The following AKR1C3 variants were observed in gnomAD, a reference collection of about 807,000 sequenced individuals.
AKR1C3 encodes aldo-keto reductase family 1 member C3, also known as 3-alpha hydroxysteroid dehydrogenase, type II.
AKR1C3 carries 48 observed loss-of-function variants against 43.6 expected under a neutral mutation model. That is an observed-to-expected ratio of 1.10 (90% CI 0.87 to 1.40). AKR1C3 has a LOEUF of 1.40. Among genes scored for constraint, AKR1C3 ranks in the 40% most tolerant of loss-of-function variants. The pLI, the probability that AKR1C3 is intolerant of heterozygous loss-of-function variation, is 0.00. For missense variants in AKR1C3, 482 were observed against 391.2 expected (o/e 1.23, Z -1.96); for synonymous variants, 162 against 139.6 (o/e 1.16, Z -1.13).
chr10:5,107,484 C>T lies in AKR1C3; in HGVS notation c.953C>T (p.Pro318Leu). ...AGTTTTGCTAGCCACCCTAATTATC[C>T]ATATTCAGATGAATATTAACATGGA... Reference protein sequence around the residue: ...SDSFASHPNYPYSDEY With the variant: ...SDSFASHPNYLYSDEY Residue 318 changes from proline (P) to leucine (L), a missense_variant, in exon 9 of 9, where the codon CCA becomes CTA. Physicochemically the swap from Pro to Leu is moderately conservative, Grantham distance 98. Transcript: ENST00000380554. 1 of 1,585,840 alleles carries T rather than the reference C, an allele frequency of 6.3e-7. No homozygotes were observed. The highest frequency in any genetic ancestry group is 8.7e-7 in the Non-Finnish European group (1 of 1,154,982).
At chr10:5,103,615 C>G (rs1190228111) in intron 7 of AKR1C3, among the ~76,000 whole-genome samples, 1 of 152,150 alleles carries the variant, frequency 6.6e-6, no homozygotes, top group Non-Finnish European at 1.5e-5. Context: ...GCCATTTTCT[C>G]CTCCATATAG....
At chr10:5,055,612 A>T (rs1250087085) in intron 1 of AKR1C3, among the ~76,000 whole-genome samples, 5 of 152,214 alleles carry the variant, frequency 3.3e-5, no homozygotes, top group African/African-American at 1.2e-4. Context: ...TAGGTACGCC[A>T]CTGGTTGTGG....
intron 1 of AKR1C3, among the ~76,000 whole-genome samples, chr10:5,064,855 A>C (rs1430562035): frequency 2.0e-5 from 3 of 151,624 alleles, no homozygotes; most frequent in African/African-American, 7.3e-5. Flanking sequence ...CAGAATGCCT[A>C]TTATTATACT....
rs540364495 is a variant in AKR1C3, at chr10:5,059,894, G to A, written c.84+10999G>A. On this transcript the variant is annotated intron_variant, in intron 1 of 8. Coordinates refer to the AKR1C3 transcript ENST00000439082. ...TCTCACTGACTTCAAGAATGAAGCCGCGGACCCTCGCAGTGAGTGTTACAG... is the reference window on the plus strand; with the variant it reads ...TCTCACTGACTTCAAGAATGAAGCCACGGACCCTCGCAGTGAGTGTTACAG... Among the ~76,000 whole-genome samples, 45 of 152,218 alleles carry A rather than the reference G, an allele frequency of 3.0e-4. No homozygotes were observed. In the South Asian group the frequency reaches 7.3e-3, roughly 25 times the overall value.
chr10:5,056,996 ATAGT>A (rs1222425854), intron 1 of AKR1C3, among the ~76,000 whole-genome samples: 1 of 152,140 alleles, frequency 6.6e-6, no homozygotes, highest in Non-Finnish European at 1.5e-5. Flanking sequence ...CTGGTCCTGA[ATAGT>A]TAAACATACC....
chr10:5,089,521 T>A (rs1404333264), upstream of AKR1C3, among the ~76,000 whole-genome samples: 6 of 152,144 alleles, frequency 3.9e-5, no homozygotes. Flanking sequence ...TTTCTTCTGC[T>A]GGTTTAGTCT....
chr10:5,093,257 G>T (rs1352655073), upstream of AKR1C3, among the ~76,000 whole-genome samples: 1 of 151,982 alleles, frequency 6.6e-6, no homozygotes. Flanking sequence ...ATCACTTCTT[G>T]ACGCGTCCAT....
intron 1 of AKR1C3, among the ~76,000 whole-genome samples, chr10:5,074,338 T>C (rs1554781606): frequency 6.6e-6 from 1 of 152,176 alleles, no homozygotes; most frequent in East Asian, 1.9e-4. Context: ...TGGGGGTCCA[T>C]ACTCTAAAAG....
intron 8 of AKR1C3, among the ~76,000 whole-genome samples, chr10:5,106,486 C>T (rs1286020544): frequency 6.6e-6 from 1 of 152,084 alleles, no homozygotes; most frequent in Non-Finnish European, 1.5e-5. Context: ...CGCAGTGGCT[C>T]ACGCCTATAA....
At chr10:5,067,433 A>C (rs1838530914) in intron 1 of AKR1C3, among the ~76,000 whole-genome samples, 1 of 152,082 alleles carries the variant, frequency 6.6e-6, no homozygotes, top group African/African-American at 2.4e-5. Flanking sequence ...CTCAGTTGTG[A>C]GATTATGTAC....
At chr10:5,074,688 C>T (rs551894343) in intron 1 of AKR1C3, among the ~76,000 whole-genome samples, 1 of 152,278 alleles carries the variant, frequency 6.6e-6, no homozygotes, top group African/African-American at 2.4e-5. Flanking sequence ...AACCTGCCTC[C>T]CTCTTTTGGT....
chr10:5,105,944 C>T (rs1309485393), intron 8 of AKR1C3, among the ~76,000 whole-genome samples: 2 of 152,172 alleles, frequency 1.3e-5, no homozygotes, highest in African/African-American at 4.8e-5. Flanking sequence ...CTGCACGTTC[C>T]ATATAGGCCT....
intron 1 of AKR1C3, among the ~76,000 whole-genome samples, chr10:5,059,904 G>T (rs564640449): frequency 6.6e-6 from 1 of 151,972 alleles, no homozygotes; most frequent in African/African-American, 2.4e-5. Flanking sequence ...GCGGACCCTC[G>T]CAGTGAGTGT....
chr10:5,071,402 G>A (rs1455364456), intron 1 of AKR1C3, among the ~76,000 whole-genome samples: 2 of 152,190 alleles, frequency 1.3e-5, no homozygotes, highest in Non-Finnish European at 2.9e-5. Context: ...AAGAGCATGA[G>A]GACCAAATCA....
chr10:5,054,046 T>C (rs1838211342), intron 1 of AKR1C3, among the ~76,000 whole-genome samples: 2 of 152,332 alleles, frequency 1.3e-5, no homozygotes, highest in South Asian at 2.1e-4. Flanking sequence ...TGAAAGGCGT[T>C]GTCTGATTTC....
rs781957485 is a variant in AKR1C3 at position 5,099,378 on chromosome 10, A to G, written c.499A>G (p.Asn167Asp). 6.2e-7 allele frequency: 1 copy of G among 1,614,158 alleles called. No homozygotes were observed. ...ATTGGCCAAGTCCATTGGGGTGTCA[A>G]ACTTCAACCGCAGGCAGCTGGAGAT... ...AGLAKSIGVS[N>D]FNRRQLEMIL... Residue 167 changes from asparagine (N) to aspartate (D), a missense_variant, in exon 5 of 9, where the codon AAC (asparagine) becomes GAC (aspartate). Physicochemically the swap from Asn to Asp is conservative, Grantham distance 23. Coordinates refer to ENST00000380554, the MANE Select transcript of AKR1C3 (RefSeq NM_003739.6).
chr10:5,075,205 T>C (rs1838688531), intron 1 of AKR1C3, among the ~76,000 whole-genome samples: 2 of 152,224 alleles, frequency 1.3e-5, no homozygotes, highest in African/African-American at 2.4e-5. Flanking sequence ...CTCTCATTTT[T>C]TTTTTATAAA....
intron 7 of AKR1C3, among the ~76,000 whole-genome samples, chr10:5,103,172 G>A (rs1839402672): frequency 6.6e-6 from 1 of 152,126 alleles, no homozygotes; most frequent in African/African-American, 2.4e-5. Flanking sequence ...ACAGGTGTGA[G>A]CCACCGCTCC....
intron 1 of AKR1C3, among the ~76,000 whole-genome samples, chr10:5,075,013 G>T (rs1347920558): frequency 6.6e-6 from 1 of 152,030 alleles, no homozygotes; most frequent in Non-Finnish European, 1.5e-5. Flanking sequence ...TCAGAGAAAG[G>T]CATAGACCTG....
Sources: gnomAD v4.1 joint callset for allele counts (sites outside exome capture counted in the v4.1 genomes callset) on GRCh38, gnomAD v4.1.1 for gene constraint, MANE v1.5 for transcripts, NCBI Gene and HGNC (gene_info 2026-07-23, HGNC 2026-07-21) for gene names.